Variants in MYO1D observed in about 807,000 individuals in gnomAD.
MYO1D encodes myosin ID, also known as unconventional myosin-Id.
A neutral mutation model predicts 122.0 loss-of-function variants in MYO1D; 83 were observed. That is an observed-to-expected ratio of 0.68 (90% confidence interval 0.57 to 0.82). The LOEUF (loss-of-function observed/expected upper bound fraction) is 0.82, where lower values mean the gene tolerates loss of function less well. MYO1D is among the 40% of genes least tolerant of loss of function. The pLI is 0.00. For synonymous variants in MYO1D, 464 were observed against 446.9 expected, an observed-to-expected ratio of 1.04 and a Z score of -0.48; for missense variants, 1,157 against 1,269.5, an observed-to-expected ratio of 0.91 and a Z score of 1.35.
chr17:32,530,832 T>C (rs558501468), intron 21 of MYO1D, among the ~76,000 whole-genome samples: 8 of 151,916 alleles, frequency 5.3e-5, no homozygotes, highest in Non-Finnish European at 1.0e-4. Flanking sequence ...AATAAAAGAG[T>C]ATCTCACCAT....
intron 20 of MYO1D, among the ~76,000 whole-genome samples, chr17:32,614,899 C>T (rs1441422479): frequency 1.3e-5 from 2 of 152,176 alleles, no homozygotes; most frequent in African/African-American, 4.8e-5. Flanking sequence ...CTCTGCCAGC[C>T]GGGGCCAGAC....
At chr17:32,566,363 G>T (rs910731830) in intron 21 of MYO1D, among the ~76,000 whole-genome samples, 2 of 152,158 alleles carry the variant, frequency 1.3e-5, no homozygotes, top group Non-Finnish European at 2.9e-5. Context: ...GATGCACGGG[G>T]GCTTGGGGAA....
chr17:32,756,147 G>T (rs1244745150), intron 10 of MYO1D: 4 of 217,106 alleles, frequency 1.8e-5, no homozygotes, highest in Non-Finnish European at 3.7e-5. Context: ...TTTAGTTCTA[G>T]AAATTTTGTG....
intron 21 of MYO1D, among the ~76,000 whole-genome samples, chr17:32,577,443 T>C (rs939415532): frequency 6.6e-6 from 1 of 152,144 alleles, no homozygotes; most frequent in Non-Finnish European, 1.5e-5. Context: ...GGATAAGTGA[T>C]TTAGAACAGA....
At position 32,528,457 on chromosome 17, in the gene MYO1D, ATG is replaced by A. The variant is rs145802752; in HGVS notation, c.2865-33544_2865-33543del. Among the ~76,000 whole-genome samples the A allele has an allele frequency of 1.6e-4, 24 of 150,672 alleles. No individual in the cohort carries two copies. The South Asian group carries it at 4.0e-3, about 25-fold the overall frequency. ...GGGGTGTGTATATGTGTGTGTGCGTATGTGTGTGTGTGTGTATGTGTGTCGGG... is the reference window on the plus strand; with the variant it reads ...GGGGTGTGTATATGTGTGTGTGCGTATGTGTGTGTGTGTATGTGTGTCGGG... On this transcript the variant is annotated intron_variant, in intron 21 of 21. Coordinates refer to ENST00000318217, the MANE Select transcript of MYO1D (RefSeq NM_015194.3).
chr17:32,627,275 T>G (rs2087940812), intron 20 of MYO1D, among the ~76,000 whole-genome samples: 1 of 151,582 alleles, frequency 6.6e-6, no homozygotes, highest in South Asian at 2.1e-4. Context: ...GCCGAGGGAG[T>G]GAGTAGGCTA....
intron 15 of MYO1D, among the ~76,000 whole-genome samples, chr17:32,716,215 G>C (rs1217996986): frequency 6.6e-6 from 1 of 152,154 alleles, no homozygotes; most frequent in Non-Finnish European, 1.5e-5. Flanking sequence ...TCTAGTCCTT[G>C]AAAGTCTGGC....
intron 16 of MYO1D, among the ~76,000 whole-genome samples, chr17:32,687,701 A>G (rs959675208): frequency 1.3e-5 from 2 of 152,240 alleles, no homozygotes; most frequent in Non-Finnish European, 2.9e-5. Context: ...TTACTAAAGT[A>G]TCTCATTTAA....
At chr17:32,748,085 C>T (rs894710732) in intron 12 of MYO1D, among the ~76,000 whole-genome samples, 8 of 152,050 alleles carry the variant, frequency 5.3e-5, no homozygotes, top group African/African-American at 1.9e-4. Flanking sequence ...CTTAAGCCAC[C>T]GATTGTGGTT....
Position 32,576,717 on chromosome 17 carries a change from A to C in MYO1D, c.2864+28370T>G, listed in dbSNP as rs111991622. 8.2e-4 allele frequency among the ~76,000 whole-genome samples: 125 copies of C among 152,348 alleles called. 3 individuals carry two copies. Among genetic ancestry groups the C allele is most frequent in the African/African-American group, 2.9e-3 (122 of 41,592 alleles). ...GTCACCCAGGCTGAAGTGCAGTGGC[A>C]TGATCATAGCTCCCGGCAGCCTTGA... On this transcript the variant is annotated intron_variant, in intron 21 of 21. Transcript: ENST00000318217.
At chr17:32,507,891 AC>A (rs1909552291) in intron 21 of MYO1D, among the ~76,000 whole-genome samples, 1 of 129,322 alleles carries the variant, frequency 7.7e-6, no homozygotes, top group Non-Finnish European at 1.6e-5. Flanking sequence ...ACCATGCTGG[AC>A]TTTTTTTTTT....
At chr17:32,524,899 C>T (rs1487686351) in intron 21 of MYO1D, among the ~76,000 whole-genome samples, 2 of 152,200 alleles carry the variant, frequency 1.3e-5, no homozygotes, top group Non-Finnish European at 2.9e-5. Flanking sequence ...GATAAGGTCT[C>T]GCTATGTTGC....
rs956114037 is a variant in MYO1D at position 32,613,322 on chromosome 17, ATC to A, written c.2710-8083_2710-8082del. On this transcript the variant is annotated intron_variant, in intron 20 of 21. Coordinates refer to ENST00000318217, the MANE Select transcript of MYO1D (RefSeq NM_015194.3). ...TTATCCTGCTAGCAAAACCTGCTGA[ATC>A]TCTCTCTCATACACAAAAACAAACA... Among the ~76,000 whole-genome samples the A allele has an allele frequency of 3.3e-5, 5 of 152,146 alleles. No homozygotes were observed. In the East Asian group the frequency reaches 9.6e-4, roughly 29 times the overall value.
intron 16 of MYO1D, among the ~76,000 whole-genome samples, chr17:32,660,690 T>C (rs552882075): frequency 2.6e-4 from 40 of 152,172 alleles, no homozygotes; most frequent in Non-Finnish European, 4.7e-4. Flanking sequence ...ATAAACAGAA[T>C]GTTTAAAGAC....
chr17:32,844,790 A>T (rs2090920185), intron 1 of MYO1D, among the ~76,000 whole-genome samples: 2 of 152,174 alleles, frequency 1.3e-5, no homozygotes, highest in Non-Finnish European at 2.9e-5. Context: ...ACTGATGTGC[A>T]TGTACCATAT....
intron 19 of MYO1D, among the ~76,000 whole-genome samples, chr17:32,640,349 A>AGTTTTAGG (rs889811847): frequency 1.8e-4 from 27 of 151,824 alleles, no homozygotes; most frequent in Non-Finnish European, 3.8e-4. Flanking sequence ...TTATACTTTA[A>AGTTTTAGG]GTTTTAGGGT....
intron 17 of MYO1D, among the ~76,000 whole-genome samples, chr17:32,657,746 TA>T (rs1296795101): frequency 2.6e-5 from 4 of 152,216 alleles, no homozygotes; most frequent in Non-Finnish European, 5.9e-5. Flanking sequence ...AGACATTCAG[TA>T]AGTATTTGCT....
intron 1 of MYO1D, among the ~76,000 whole-genome samples, chr17:32,811,616 CTTTTTT>C (rs755189217): frequency 4.7e-4 from 27 of 57,536 alleles, no homozygotes; most frequent in Admixed American, 1.2e-3. Context: ...CCCTCACCCT[CTTTTTT>C]TTTTTTTTTT....
At chr17:32,708,197 G>A (rs1412413145) in intron 16 of MYO1D, among the ~76,000 whole-genome samples, 3 of 152,128 alleles carry the variant, frequency 2.0e-5, no homozygotes, top group African/African-American at 7.2e-5. Flanking sequence ...ACAAAGTACT[G>A]CAGAAAAAGA....
Sources: allele counts gnomAD v4.1 joint callset (sites outside exome capture counted in the v4.1 genomes callset), GRCh38; gene constraint gnomAD v4.1.1; transcripts MANE v1.5; gene names NCBI Gene and HGNC (gene_info 2026-07-23, HGNC 2026-07-21).